SEPTIN3: variants seen among roughly 807,000 people sequenced by gnomAD.
The protein encoded by SEPTIN3 is neuronal-specific septin-3.
Under a neutral mutation model 45.1 loss-of-function variants are expected in SEPTIN3, and 15 were observed. That is an observed-to-expected ratio of 0.33 (90% CI 0.22 to 0.51). The LOEUF is 0.51. SEPTIN3 is among the 20% of genes least tolerant of loss of function. SEPTIN3 has a pLI of 0.97. For missense variants in SEPTIN3, 289 were observed against 457.2 expected, an observed-to-expected ratio of 0.63 and a Z score of 3.35; for synonymous variants, 148 against 164.8, an observed-to-expected ratio of 0.90 and a Z score of 0.78.
intron 2 of SEPTIN3, 125 bp downstream of exon 2, chr22:41,973,121 T>C: frequency 2.5e-6 from 1 of 397,104 alleles, no homozygotes; most frequent in Non-Finnish European, 4.4e-6. Context: ...CAGGGTTGAA[T>C]GGGTTGGGAG....
intron 4 of SEPTIN3, 53 bp from the exon 5 acceptor site, chr22:41,987,153 C>T: frequency 6.9e-7 from 1 of 1,451,456 alleles, no homozygotes; most frequent in Non-Finnish European, 9.4e-7. Flanking sequence ...TGCCAGGTAC[C>T]TGGGGTCAGC....
At chr22:41,977,420 C>G (rs953393981) in intron 2 of SEPTIN3, among the ~76,000 whole-genome samples, 1 of 152,102 alleles carries the variant, frequency 6.6e-6, no homozygotes, top group Non-Finnish European at 1.5e-5. Flanking sequence ...TGCACTGATA[C>G]ATACGTCCCC....
intron 3 of SEPTIN3, among the ~76,000 whole-genome samples, chr22:41,984,845 CTT>C (rs11380985): frequency 3.1e-3 from 307 of 100,630 alleles, no homozygotes; most frequent in African/African-American, 0.011. Context: ...GTGGTTTTCC[CTT>C]TTTTTTTTTT....
chr22:41,989,940 A>G (rs1453105036), intron 7 of SEPTIN3, among the ~76,000 whole-genome samples: 2 of 152,138 alleles, frequency 1.3e-5, no homozygotes, highest in Non-Finnish European at 2.9e-5. Context: ...AGACCACTGA[A>G]TACATGTATC....
In SEPTIN3 at chr22:41,997,192, C is replaced by A; in HGVS notation, c.*225C>A. On this transcript the variant is annotated 3_prime_UTR_variant, in exon 12 of 12. Coordinates refer to ENST00000644076, the MANE Select transcript of SEPTIN3 (RefSeq NM_001363845.2). ...GGGTTCTGCCAGTACAGCCCTACTGCATCATCTGCGTCAGCCGGTCCTAGC... is the reference window on the plus strand; with the variant it reads ...GGGTTCTGCCAGTACAGCCCTACTGAATCATCTGCGTCAGCCGGTCCTAGC... 1 of 774,762 alleles carries A rather than the reference C, an allele frequency of 1.3e-6. No individual in the cohort carries two copies. Among genetic ancestry groups the A allele is most frequent in the Non-Finnish European group, 2.0e-6 (1 of 504,434 alleles). 48.0% of individuals were successfully genotyped at this position (774,762 alleles called of 1,614,324 possible). A position where few individuals can be genotyped will look rare whatever the true frequency, so the allele number is the denominator to read the frequency against.
intron 6 of SEPTIN3, 86 bp downstream of exon 6, chr22:41,987,845 C>A: frequency 1.4e-6 from 2 of 1,440,876 alleles, no homozygotes; most frequent in Non-Finnish European, 1.9e-6. Flanking sequence ...CATACGTTGA[C>A]TCAGCTAGGC....
intron 9 of SEPTIN3, among the ~76,000 whole-genome samples, 173 bp downstream of exon 9, chr22:41,992,936 G>C (rs2078342331): frequency 6.6e-6 from 1 of 152,192 alleles, no homozygotes; most frequent in South Asian, 2.1e-4. Context: ...ACAGGCAGGA[G>C]TAACAAGAGA....
chr22:41,977,166 G>A, intron 2 of SEPTIN3: 1 of 1,312,214 alleles, frequency 7.6e-7, no homozygotes, highest in Non-Finnish European at 1.0e-6. Context: ...GAGGGTTTCC[G>A]CGCCGAGGAG....
chr22:41,977,706 G>C (rs1486457180), intron 2 of SEPTIN3, among the ~76,000 whole-genome samples: 2 of 152,076 alleles, frequency 1.3e-5, no homozygotes, highest in East Asian at 3.9e-4. Flanking sequence ...GAAGGAAGAG[G>C]GGGGGCCTGC....
intron 7 of SEPTIN3, 129 bp downstream of exon 7, chr22:41,989,813 C>G: frequency 3.1e-6 from 2 of 637,738 alleles, no homozygotes; most frequent in Non-Finnish European, 5.6e-6. Context: ...ATTCTCCACC[C>G]CAGCCCCCTT....
chr22:41,985,955 C>T, intron 3 of SEPTIN3, 29 bp from the exon 4 acceptor site: 2 of 1,582,176 alleles, frequency 1.3e-6, no homozygotes, highest in Non-Finnish European at 1.7e-6. Context: ...TGCAGAGTCT[C>T]CCTACCTCCT....
At chr22:41,996,330 A>T (rs1343806622) in intron 11 of SEPTIN3, 1 of 985,302 alleles carries the variant, frequency 1.0e-6, no homozygotes, top group African/African-American at 1.7e-5. Context: ...GCCTTAGGGA[A>T]GGGAAAACAC....
intron 2 of SEPTIN3, among the ~76,000 whole-genome samples, chr22:41,979,156 C>T (rs1318950807): frequency 1.3e-5 from 2 of 152,114 alleles, no homozygotes. Flanking sequence ...TCTACCAGGT[C>T]CTGGTCCTGT....
chr22:41,983,730 A>C (rs2146693232), intron 3 of SEPTIN3, among the ~76,000 whole-genome samples: 1 of 152,348 alleles, frequency 6.6e-6, no homozygotes, highest in East Asian at 1.9e-4. Context: ...TTTCTCCAGA[A>C]GTCTTCCTTA....
At chr22:41,995,090 G>A in intron 11 of SEPTIN3, 1 of 1,111,148 alleles carries the variant, frequency 9.0e-7, no homozygotes, top group Non-Finnish European at 1.1e-6. Context: ...AGGAGATCTG[G>A]GGGAGGTTTC....
intron 2 of SEPTIN3, chr22:41,981,216 T>G: frequency 6.2e-6 from 1 of 161,264 alleles, no homozygotes; most frequent in Non-Finnish European, 1.4e-5. Flanking sequence ...CTAGAGACAT[T>G]TTGGGTTGTC....
At chr22:41,979,095 A>G (rs2078080027) in intron 2 of SEPTIN3, among the ~76,000 whole-genome samples, 2 of 152,210 alleles carry the variant, frequency 1.3e-5, no homozygotes, top group Non-Finnish European at 2.9e-5. Context: ...CGCTGTGTAC[A>G]GTGCACACAG....
In SEPTIN3 at chr22:41,991,583, A is replaced by G. The variant is rs533778878; in HGVS notation, c.2174A>G (p.Glu725Gly). The change falls in exon 8 of 12, where the codon GAG (glutamate) becomes GGG (glycine). Residue 725 changes from glutamate (E) to glycine (G), a missense_variant. By Grantham distance (98) the Glu-to-Gly change is moderately conservative. This residue lies in a region of SEPTIN3 where 200 missense variants were observed against 315.1 expected (regional missense o/e 0.63). Coordinates refer to ENST00000644076, the MANE Select transcript of SEPTIN3 (RefSeq NM_001363845.2). ...KSEFKQRVRK[E>G]LEVNGIEFYP... ...TCTCCTCGCCTCTAGGTTCGCAAGG[A>G]GCTTGAAGTAAATGGCATTGAATTC... 6.2e-7 allele frequency: 1 copy of G among 1,613,078 alleles called. No homozygotes were observed. Among genetic ancestry groups the G allele is most frequent in the Admixed American group, 1.7e-5 (1 of 60,022 alleles).
intron 4 of SEPTIN3, 121 bp from the exon 5 acceptor site, chr22:41,987,085 T>A: frequency 1.5e-6 from 1 of 654,596 alleles, no homozygotes; most frequent in South Asian, 2.3e-5. Context: ...GACCCTAAAT[T>A]TGACTTTTCC....
Sources: allele counts gnomAD v4.1 joint callset (sites outside exome capture counted in the v4.1 genomes callset), GRCh38; gene constraint gnomAD v4.1.1; regional missense constraint gnomAD v4.1.1; transcripts MANE v1.5; gene names NCBI Gene and HGNC (gene_info 2026-07-23, HGNC 2026-07-21).